The following BIN2 variants were observed in gnomAD, a reference collection of about 807,000 sequenced individuals.
The protein encoded by BIN2 is breast cancer associated protein BRAP1.
BIN2 carries 43 observed loss-of-function variants against 67.9 expected under a neutral mutation model. The observed-to-expected ratio is 0.63, with a 90% CI of 0.50 to 0.82. The LOEUF (loss-of-function observed/expected upper bound fraction) is 0.82, where lower values mean the gene tolerates loss of function less well. BIN2 is among the 40% of genes least tolerant of loss of function. BIN2 has a pLI of 0.00. For missense variants in BIN2, 581 were observed against 671.6 expected (o/e 0.87, Z 1.49); for synonymous variants, 244 against 246.8 (o/e 0.99, Z 0.11).
Position 51,319,942 on chromosome 12 carries a change from G to A in BIN2, c.81+4080C>T, listed in dbSNP as rs553538927. Among the ~76,000 whole-genome samples, 12 of 95,516 alleles carry A rather than the reference G, an allele frequency of 1.3e-4. No homozygotes were observed. The South Asian group carries it at 3.4e-3, about 27-fold the overall frequency. 62.7% of individuals were successfully genotyped at this position (95,516 alleles called of 152,430 possible). A position where few individuals can be genotyped will look rare whatever the true frequency, so the allele number is the denominator to read the frequency against. ...AGGTGCAGTAAATTTTTGTGGTTAT[G>A]TAGGAAATCTTTCTCTTTCCTTCCT... is the stretch of plus-strand genomic sequence containing the variant. On this transcript the variant is annotated intron_variant, in intron 1 of 12. Coordinates refer to ENST00000615107, the MANE Select transcript of BIN2 (RefSeq NM_016293.4).
chr12:51,311,515 G>C (rs918429000), intron 2 of BIN2, among the ~76,000 whole-genome samples: 5 of 151,996 alleles, frequency 3.3e-5, no homozygotes, highest in Admixed American at 6.6e-5. Context: ...AGGTAGCTGG[G>C]ACTACAAGCA....
At chr12:51,312,688 A>G (rs1032502393) in intron 2 of BIN2, among the ~76,000 whole-genome samples, 1 of 152,170 alleles carries the variant, frequency 6.6e-6, no homozygotes, top group Non-Finnish European at 1.5e-5. Flanking sequence ...TTACAAGTTT[A>G]TCTGCCTTTG....
intron 5 of BIN2, 134 bp from the exon 6 acceptor site, chr12:51,299,848 G>GTT (rs60046549): frequency 7.5e-4 from 531 of 710,220 alleles, no homozygotes; most frequent in Middle Eastern, 1.4e-3. Context: ...TTTTGCTTTT[G>GTT]TTTTTTTTGA....
chr12:51,284,424 C>A (rs1019045915), intron 12 of BIN2, among the ~76,000 whole-genome samples: 42 of 152,028 alleles, frequency 2.8e-4, no homozygotes, highest in Middle Eastern at 6.8e-3. Flanking sequence ...GACCTTTTTG[C>A]ATTTAAAAAA....
At position 51,299,254 on chromosome 12, in the gene BIN2, A is replaced by C; in HGVS notation, c.551T>G (p.Phe184Cys). 1 of 1,613,866 alleles carries C rather than the reference A, an allele frequency of 6.2e-7. No individual in the cohort carries two copies. The highest frequency in any genetic ancestry group is 8.5e-7 in the Non-Finnish European group (1 of 1,179,750). The part of the protein sequence containing the change: ...EEEFNKAQTV[F>C]EDLNQELLEE... ...TAGTAGTTCTTGGTTCAGATCTTCA[A>C]ACACAGTCTGGGCTTTGTTGAACTC... The change falls in exon 7 of 13, where the codon TTT becomes TGT. Residue 184 changes from phenylalanine to cysteine, a missense_variant. Phe to Cys is a radical substitution (Grantham distance 205). Coordinates refer to ENST00000615107, the MANE Select transcript of BIN2 (RefSeq NM_016293.4).
At chr12:51,320,404 A>T (rs774938706) in intron 1 of BIN2, among the ~76,000 whole-genome samples, 4 of 151,640 alleles carry the variant, frequency 2.6e-5, no homozygotes, top group Non-Finnish European at 5.9e-5. Flanking sequence ...TGCTCTGACC[A>T]CTCCCTGTGC....
chr12:51,300,058 G>A (rs905338565), intron 5 of BIN2, among the ~76,000 whole-genome samples: 7 of 151,878 alleles, frequency 4.6e-5, no homozygotes, highest in South Asian at 2.1e-4. Flanking sequence ...GGCTGGTCTC[G>A]AACTCCTGGG....
Position 51,302,042 on chromosome 12 carries a change from A to T in BIN2, c.386T>A (p.Val129Asp). The T allele has an allele frequency of 6.2e-7, 1 of 1,613,396 alleles. No individual in the cohort carries two copies. The highest frequency in any genetic ancestry group is 8.5e-7 in the Non-Finnish European group (1 of 1,179,342). Residue 129 changes from valine to aspartate, a missense_variant, in exon 5 of 13, where the codon GTT becomes GAT. Transcript: ENST00000615107. ...DQAVRTMEIY[V>D]AQFSEIKERI... ...TACCTTAATTTCACTGAACTGGGCA[A>T]CATAGATTTCCATGGTCCTTACAGC...
At chr12:51,315,272 C>T (rs1411995506) in intron 1 of BIN2, among the ~76,000 whole-genome samples, 1 of 152,052 alleles carries the variant, frequency 6.6e-6, no homozygotes, top group Non-Finnish European at 1.5e-5. Context: ...CGGGTTCACG[C>T]CATTCTCCTG....
chr12:51,324,008 G>T lies in BIN2; in HGVS notation c.81+14C>A, dbSNP rs772327128. On this transcript the variant is annotated intron_variant, in intron 1 of 12. Transcript: ENST00000615107. Reference sequence around the variant, plus strand: ...CCCTGTGGGCCAGACAGACAGCGAGGCCCGGCCACCTACCTTCTCCTGGGC... The same window carrying T: ...CCCTGTGGGCCAGACAGACAGCGAGTCCCGGCCACCTACCTTCTCCTGGGC... 9 of 1,612,426 alleles carry T rather than the reference G, an allele frequency of 5.6e-6. No individual in the cohort carries two copies. Among genetic ancestry groups the T allele is most frequent in the Middle Eastern group, 1.7e-4 (1 of 6,054 alleles).
At chr12:51,323,336 G>A (rs904477620) in intron 1 of BIN2, 2 of 151,004 alleles carry the variant, frequency 1.3e-5, no homozygotes, top group African/African-American at 5.0e-5. Flanking sequence ...GCAAGTAATA[G>A]ATGGGCAGCC....
chr12:51,316,327 A>G (rs4762038), intron 1 of BIN2, among the ~76,000 whole-genome samples: 3 of 103,624 alleles, frequency 2.9e-5, no homozygotes, highest in African/African-American at 1.2e-4. Flanking sequence ...TACTAAAAAT[A>G]CAAAAAAAAA....
intron 1 of BIN2, among the ~76,000 whole-genome samples, chr12:51,319,404 C>G (rs894149483): frequency 1.3e-5 from 2 of 152,214 alleles, no homozygotes; most frequent in African/African-American, 2.4e-5. Flanking sequence ...CATGTTAGGG[C>G]ACTTATACTG....
At chr12:51,322,825 G>A (rs994420136) in intron 1 of BIN2, 1 of 152,078 alleles carries the variant, frequency 6.6e-6, no homozygotes, top group African/African-American at 2.4e-5. Flanking sequence ...TCTTTCACAT[G>A]ACCTCAAATG....
At chr12:51,295,733 G>A (rs1945548726) in intron 9 of BIN2, 63 bp downstream of exon 9, 1 of 1,373,304 alleles carries the variant, frequency 7.3e-7, no homozygotes, top group Non-Finnish European at 1.0e-6. Flanking sequence ...GACTGGAGAT[G>A]AGGATGTTGA....
In BIN2 at chr12:51,284,736, C is replaced by T; in HGVS notation, c.1648G>A (p.Ala550Thr). 6.2e-7 allele frequency: 1 copy of T among 1,612,628 alleles called. No individual in the cohort carries two copies. Among genetic ancestry groups the T allele is most frequent in the Non-Finnish European group, 8.5e-7 (1 of 1,178,766 alleles). The stretch of plus-strand genomic sequence containing the variant: ...CTTACCTCTTCTTGAGGTTCAGGTG[C>T]TGTGAGGTTGTTGTTTTCTGGTACC... ...SMVPENNNLTAPEPQEEVSTS... is the reference protein window; with the variant it reads ...SMVPENNNLTTPEPQEEVSTS... Residue 550 changes from alanine to threonine, a missense_variant, in exon 12 of 13, where the codon GCA (alanine) becomes ACA (threonine). Physicochemically the swap from Ala to Thr is moderately conservative, Grantham distance 58 (BLOSUM62 0). Transcript: ENST00000615107.
chr12:51,312,133 TA>T (rs200400910), intron 2 of BIN2, among the ~76,000 whole-genome samples: 10 of 151,662 alleles, frequency 6.6e-5, no homozygotes, highest in South Asian at 2.1e-4. Flanking sequence ...TCACTAGTGT[TA>T]AAAAAAAATC....
rs1342771672 is a variant in BIN2, at chr12:51,303,131, T to C, written c.173A>G (p.His58Arg). ...GTTCTTCAGGTCCTTGTACAGCTTG[T>C]GGCCTTCTGCCTGAAAGAGAAAAGT... ...SNFYQQQAEG[H>R]KLYKDLKNFL... is the part of the protein sequence containing the mutation. The change falls in exon 3 of 13, where the codon CAC becomes CGC. Residue 58 changes from histidine (H) to arginine (R), a missense_variant. Physicochemically the swap from His to Arg is conservative, Grantham distance 29 (BLOSUM62 0). Coordinates refer to ENST00000615107, the MANE Select transcript of BIN2 (RefSeq NM_016293.4). 6.2e-7 allele frequency: 1 copy of C among 1,614,180 alleles called. No individual in the cohort carries two copies. Among genetic ancestry groups the C allele is most frequent in the Non-Finnish European group, 8.5e-7 (1 of 1,179,984 alleles).
At chr12:51,308,218 T>C (rs949904133) in intron 2 of BIN2, among the ~76,000 whole-genome samples, 6 of 152,170 alleles carry the variant, frequency 3.9e-5, no homozygotes, top group Admixed American at 2.0e-4. Context: ...GTCAAGAAAC[T>C]TGACTTTACC....
Sources: gnomAD v4.1 joint callset for allele counts (sites outside exome capture counted in the v4.1 genomes callset) on GRCh38, gnomAD v4.1.1 for gene constraint, MANE v1.5 for transcripts, NCBI Gene and HGNC (gene_info 2026-07-23, HGNC 2026-07-21) for gene names.